LTBP2: variants seen among roughly 807,000 people sequenced by gnomAD.
The protein encoded by LTBP2 is latent transforming growth factor beta binding protein 2.
LTBP2 carries 103 observed loss-of-function variants against 210.6 expected under a neutral mutation model. The observed-to-expected ratio is 0.49, with a 90% CI of 0.42 to 0.58. The LOEUF (loss-of-function observed/expected upper bound fraction) is 0.58. LTBP2 is among the 20% of genes least tolerant of loss of function. LTBP2 has a pLI of 0.00. For missense variants in LTBP2, 2,313 were observed against 2,494.5 expected, an observed-to-expected ratio of 0.93 and a Z score of 1.55; for synonymous variants, 1,007 against 1,015.0, an observed-to-expected ratio of 0.99 and a Z score of 0.15.
At chr14:74,529,171 G>C (rs1372920075) in intron 10 of LTBP2, 49 bp from the exon 11 acceptor site, 28 of 1,548,278 alleles carry the variant, frequency 1.8e-5, no homozygotes, top group Non-Finnish European at 2.3e-5. Context: ...AGTGGGAGGG[G>C]AATGCGCAGC....
In LTBP2 at chr14:74,503,576, T is replaced by C. The variant is rs1263500769; in HGVS notation, c.4613A>G (p.Glu1538Gly). 1 of 1,613,750 alleles carries C rather than the reference T, an allele frequency of 6.2e-7. No homozygotes were observed. The highest frequency in any genetic ancestry group is 1.3e-5 in the African/African-American group (1 of 74,924). The change falls in exon 32 of 36, where the codon GAG becomes GGG. Residue 1538 changes from glutamate (E) to glycine (G), a missense_variant. Coordinates refer to ENST00000261978, the MANE Select transcript of LTBP2 (RefSeq NM_000428.3). ...CTCCGTGTTGACGCACTCGCCATTC[T>C]CACAGGCCAGGTCCTGGCACTCATC... is the stretch of plus-strand genomic sequence containing the variant. ...DHDECQDLACENGECVNTEGS... is the reference protein window; with the variant it reads ...DHDECQDLACGNGECVNTEGS...
In LTBP2 at chr14:74,506,089, T is replaced by A. The variant is rs2139691343; in HGVS notation, c.4136A>T (p.Tyr1379Phe). The change falls in exon 28 of 36, where the codon TAC becomes TTC. Residue 1379 changes from tyrosine to phenylalanine, a missense_variant. By Grantham distance (22) the Tyr-to-Phe change is conservative. Transcript: ENST00000261978. ...LCLCASDLEEYDAQEGHCRPR... is the reference protein window; with the variant it reads ...LCLCASDLEEFDAQEGHCRPR... ...GCGGCAGTGCCCCTCCTGGGCATCG[T>A]ACTCCTCCAGGTCACTGGCACAGAG... The A allele has an allele frequency of 6.2e-7, 1 of 1,614,190 alleles. No homozygotes were observed. Among genetic ancestry groups the A allele is most frequent in the Non-Finnish European group, 8.5e-7 (1 of 1,180,038 alleles).
intron 3 of LTBP2, among the ~76,000 whole-genome samples, chr14:74,573,139 A>G (rs1221243340): frequency 6.6e-6 from 1 of 152,202 alleles, no homozygotes; most frequent in Non-Finnish European, 1.5e-5. Context: ...TTTCCAAGCC[A>G]AGCTGGATGT....
In LTBP2 at chr14:74,501,607, GGA is replaced by G. The variant is rs771546236; in HGVS notation, c.5171-19_5171-18del. 2 of 1,613,582 alleles carry G rather than the reference GGA, an allele frequency of 1.2e-6. No homozygotes were observed. Among genetic ancestry groups the G allele is most frequent in the South Asian group, 2.2e-5 (2 of 91,084 alleles). ...CTGGGGGCTCTGGGAGGAGGAAATC[GGA>G]GAGAGGAGGAGGCTGAGGGCTGTGT... On this transcript the variant is annotated intron_variant, in intron 34 of 35. Transcript: ENST00000261978.
chr14:74,535,011 T>C (rs897895829), intron 9 of LTBP2, among the ~76,000 whole-genome samples: 3 of 152,078 alleles, frequency 2.0e-5, no homozygotes, highest in African/African-American at 7.2e-5. Flanking sequence ...ACAGCCCCGA[T>C]GTACCCTCCA....
intron 4 of LTBP2, among the ~76,000 whole-genome samples, chr14:74,554,028 G>A (rs1041044254): frequency 1.1e-4 from 16 of 151,738 alleles, no homozygotes; most frequent in African/African-American, 3.1e-4. Context: ...GTGGGAGAGG[G>A]TGAAGATACA....
At chr14:74,574,051 T>C (rs537848202) in intron 3 of LTBP2, among the ~76,000 whole-genome samples, 11 of 152,294 alleles carry the variant, frequency 7.2e-5, no homozygotes, top group African/African-American at 2.6e-4. Context: ...AACTGTCAGC[T>C]TATTCAATAA....
rs2087266404 is a variant in LTBP2, at chr14:74,525,935, C to T, written c.2428+140G>A. The stretch of plus-strand genomic sequence containing the variant: ...GTATAGAGAGCTCCCAGAAACAGCA[C>T]TCACAGGCCACGTCCTTCTCACCCT... On this transcript the variant is annotated intron_variant, in intron 14 of 35. Coordinates refer to ENST00000261978, the MANE Select transcript of LTBP2 (RefSeq NM_000428.3). 25 of 918,274 alleles carry T rather than the reference C, an allele frequency of 2.7e-5. No individual in the cohort carries two copies. The South Asian group carries it at 3.3e-4, about 12-fold the overall frequency. 56.9% of individuals were successfully genotyped at this position (918,274 alleles called of 1,614,324 possible). A position where few individuals can be genotyped will look rare whatever the true frequency, so the allele number is the denominator to read the frequency against.
At chr14:74,564,221 T>A (rs57613454) in intron 3 of LTBP2, among the ~76,000 whole-genome samples, 1 of 7,468 alleles carries the variant, frequency 1.3e-4, no homozygotes, top group Non-Finnish European at 2.4e-4. Context: ...ATATATATAT[T>A]TATATATATA....
chr14:74,554,307 C>G (rs1470543278), intron 4 of LTBP2, among the ~76,000 whole-genome samples: 1 of 152,070 alleles, frequency 6.6e-6, no homozygotes, highest in Non-Finnish European at 1.5e-5. Context: ...TGAGACCAGC[C>G]TGGGCAACAT....
chr14:74,571,226 T>A (rs1013568760), intron 3 of LTBP2, among the ~76,000 whole-genome samples: 1 of 152,080 alleles, frequency 6.6e-6, no homozygotes, highest in African/African-American at 2.4e-5. Context: ...CCCAGTTACT[T>A]AGGAGGCTGA....
chr14:74,588,136 A>G (rs569493715), intron 2 of LTBP2, among the ~76,000 whole-genome samples: 87 of 152,300 alleles, frequency 5.7e-4, no homozygotes, highest in African/African-American at 2.0e-3. Context: ...CCCTCCTTTG[A>G]TTAACAGGAA....
rs902546096 is a variant in LTBP2 at position 74,586,950 on chromosome 14, G to A, written c.566-832C>T. ...TGCCTCCTGGGCTGTGGGTCCAGCCGGAGGCAAGGTGGAGCTGAAACCAGG... is the reference window on the plus strand; with the variant it reads ...TGCCTCCTGGGCTGTGGGTCCAGCCAGAGGCAAGGTGGAGCTGAAACCAGG... On this transcript the variant is annotated intron_variant, in intron 2 of 35. Transcript: ENST00000261978. The surrounding 1 kb of genome is among the most constrained non-coding windows in gnomAD (Gnocchi z 4.6). 1.2e-4 allele frequency among the ~76,000 whole-genome samples: 18 copies of A among 152,160 alleles called. No individual in the cohort carries two copies. Among genetic ancestry groups the A allele is most frequent in the Admixed American group, 3.9e-4 (6 of 15,284 alleles).
At chr14:74,550,289 A>G (rs189101382) in intron 7 of LTBP2, among the ~76,000 whole-genome samples, 5 of 152,220 alleles carry the variant, frequency 3.3e-5, no homozygotes, top group Admixed American at 3.3e-4. Context: ...TCCTCTGCCT[A>G]CCTCCAGGGA....
At chr14:74,594,287 T>A (rs1311877800) in intron 2 of LTBP2, among the ~76,000 whole-genome samples, 1 of 152,162 alleles carries the variant, frequency 6.6e-6, no homozygotes, top group African/African-American at 2.4e-5. Flanking sequence ...GCCCTCCATC[T>A]ATGACCCGTT....
rs2088208275 is a variant in LTBP2 at position 74,586,577 on chromosome 14, C to A, written c.566-459G>T. Among the ~76,000 whole-genome samples, 2 of 152,196 alleles carry A rather than the reference C, an allele frequency of 1.3e-5. No homozygotes were observed. The highest frequency in any genetic ancestry group is 4.8e-5 in the African/African-American group (2 of 41,440). On this transcript the variant is annotated intron_variant, in intron 2 of 35. Transcript: ENST00000261978. This position sits in a 1 kb window ranked among gnomAD's most constrained non-coding sequence, Gnocchi z 4.6. ...GTCTCTTTTGCGGGAAAGGGCCCAA[C>A]ACTGGCCTGAAATTCAAGCGGTTTG...
Position 74,507,268 on chromosome 14 carries a change from G to C in LTBP2, c.3818C>G (p.Thr1273Ser). 2 of 1,614,132 alleles carry C rather than the reference G, an allele frequency of 1.2e-6. No homozygotes were observed. The highest frequency in any genetic ancestry group is 1.7e-6 in the Non-Finnish European group (2 of 1,180,016). The change falls in exon 26 of 36, where the codon ACC becomes AGC. Residue 1273 changes from threonine to serine, a missense_variant. Physicochemically the swap from Thr to Ser is moderately conservative, Grantham distance 58. Around this residue, in one of 3 missense-constraint regions of LTBP2, gnomAD observed 1,867 missense variants for 1,976.9 expected, o/e 0.94. Transcript: ENST00000261978. ...CEDYGDPVCGTWKCENSPGSY... is the reference protein window; with the variant it reads ...CEDYGDPVCGSWKCENSPGSY... ...GCCAGGGCTGTTTTCACACTTCCAG[G>C]TGCCACACACCGGGTCTCCATAGTC...
At chr14:74,540,803 ATATATAAT>A (rs368886879) in intron 8 of LTBP2, among the ~76,000 whole-genome samples, 825 of 68,374 alleles carry the variant, frequency 0.012, 73 homozygotes, top group African/African-American at 0.024. Flanking sequence ...ATTTATATAT[ATATATAAT>A]ATATATATAT....
chr14:74,591,434 GA>G (rs1478422699), intron 2 of LTBP2, among the ~76,000 whole-genome samples: 1 of 152,186 alleles, frequency 6.6e-6, no homozygotes, highest in African/African-American at 2.4e-5. Context: ...GTGTTGGTGG[GA>G]AAAATCCCCT....
Sources: gnomAD v4.1 joint callset for allele counts (sites outside exome capture counted in the v4.1 genomes callset) on GRCh38, gnomAD v4.1.1 for gene constraint, gnomAD v4.1.1 regional missense constraint, Gnocchi (gnomAD v3.1) non-coding constraint, MANE v1.5 for transcripts, NCBI Gene and HGNC (gene_info 2026-07-23, HGNC 2026-07-21) for gene names.